The following TRIM24 variants were observed in gnomAD, a reference collection of about 807,000 sequenced individuals.
TRIM24 encodes the protein transcription intermediary factor 1-alpha.
TRIM24 carries 29 observed loss-of-function variants against 123.9 expected under a neutral mutation model. The observed-to-expected ratio is 0.23, with a 90% CI of 0.17 to 0.32. The LOEUF is 0.32. Among genes scored for constraint, TRIM24 ranks in the 10% least tolerant of loss-of-function variants. The probability of loss-of-function intolerance (pLI) is 1.00; values close to 1 mark genes in which losing one functional copy is unlikely to be tolerated. For synonymous variants in TRIM24, 456 were observed against 461.1 expected, an observed-to-expected ratio of 0.99 and a Z score of 0.14; for missense variants, 932 against 1,295.3, an observed-to-expected ratio of 0.72 and a Z score of 4.31.
At chr7:138,510,685 G>T (rs1563039921) in intron 2 of TRIM24, among the ~76,000 whole-genome samples, 1 of 152,172 alleles carries the variant, frequency 6.6e-6, no homozygotes, top group Non-Finnish European at 1.5e-5. Context: ...GCCTCCCAAA[G>T]TGCTAAGATT....
At chr7:138,497,879 G>T (rs1795948058) in intron 1 of TRIM24, among the ~76,000 whole-genome samples, 3 of 151,896 alleles carry the variant, frequency 2.0e-5, no homozygotes, top group South Asian at 4.2e-4. Context: ...TATTTGTAGA[G>T]GTGGGGTTTC....
At chr7:138,524,434 T>A (rs1479547709) in intron 4 of TRIM24, among the ~76,000 whole-genome samples, 1 of 152,168 alleles carries the variant, frequency 6.6e-6, no homozygotes, top group Non-Finnish European at 1.5e-5. Flanking sequence ...AATGTTATAA[T>A]TCACAGATAT....
intron 1 of TRIM24, among the ~76,000 whole-genome samples, chr7:138,496,677 C>G (rs1449185844): frequency 1.3e-5 from 2 of 150,838 alleles, no homozygotes; most frequent in Non-Finnish European, 3.0e-5. Context: ...ATTGTATTTT[C>G]TTTAGTAGAG....
intron 1 of TRIM24, among the ~76,000 whole-genome samples, chr7:138,492,388 C>A (rs1276337299): frequency 1.3e-5 from 2 of 150,052 alleles, no homozygotes; most frequent in Non-Finnish European, 3.0e-5. Flanking sequence ...TAAGCACTTA[C>A]AAGATACATG....
intron 1 of TRIM24, among the ~76,000 whole-genome samples, chr7:138,490,165 C>T (rs1795747742): frequency 6.6e-6 from 1 of 152,130 alleles, no homozygotes; most frequent in South Asian, 2.1e-4. Context: ...CTTGTGCATG[C>T]ATCACCTAGT....
rs754226810 is a variant in TRIM24, at chr7:138,568,586, C to G, written c.1704+932C>G. Among the ~76,000 whole-genome samples, 5 of 151,644 alleles carry G rather than the reference C, an allele frequency of 3.3e-5. No homozygotes were observed. In the South Asian group the frequency reaches 1.0e-3, roughly 32 times the overall value. On this transcript the variant is annotated intron_variant, in intron 10 of 18. Transcript: ENST00000343526. The stretch of plus-strand genomic sequence containing the variant: ...ATTTTTAGTAGAGACAGGGTTTCAC[C>G]ATGTTGGCCAGGCTAGTCTCGAACT...
chr7:138,516,760 T>C (rs1010339904), intron 3 of TRIM24, among the ~76,000 whole-genome samples: 4 of 152,162 alleles, frequency 2.6e-5, no homozygotes, highest in African/African-American at 9.7e-5. Context: ...AGCATAATAT[T>C]TTAAGGATTC....
intron 9 of TRIM24, among the ~76,000 whole-genome samples, chr7:138,556,076 A>G (rs1797310789): frequency 6.6e-6 from 1 of 152,188 alleles, no homozygotes; most frequent in African/African-American, 2.4e-5. Flanking sequence ...TATCCCTTAG[A>G]TAAATTTAAA....
At chr7:138,508,692 T>TGTGTGTGTGTGTGTGTGTGCGCGCGC (rs1422176564) in intron 2 of TRIM24, among the ~76,000 whole-genome samples, 1 of 137,214 alleles carries the variant, frequency 7.3e-6, no homozygotes, top group African/African-American at 2.8e-5. Context: ...TGTGTGTGTG[T>TGTGTGTGTGTGTGTGTGTGCGCGCGC]GCGCGCGCGT....
At chr7:138,512,388 T>C (rs574687384) in intron 2 of TRIM24, among the ~76,000 whole-genome samples, 3 of 152,294 alleles carry the variant, frequency 2.0e-5, no homozygotes, top group Admixed American at 6.5e-5. Flanking sequence ...AGCCCCACAT[T>C]TCTCCTCTGT....
chr7:138,514,122 A>C (rs546943925), intron 2 of TRIM24, among the ~76,000 whole-genome samples: 51 of 152,300 alleles, frequency 3.3e-4, no homozygotes, highest in African/African-American at 1.1e-3. Context: ...GAAAAGGTAG[A>C]TTTTGGTTTA....
At chr7:138,510,563 A>G (rs761684447) in intron 2 of TRIM24, among the ~76,000 whole-genome samples, 11 of 152,154 alleles carry the variant, frequency 7.2e-5, no homozygotes, top group Non-Finnish European at 1.0e-4. Flanking sequence ...CTGGGACTAC[A>G]GGCGCATACT....
intron 1 of TRIM24, among the ~76,000 whole-genome samples, chr7:138,473,768 C>T (rs1438073756): frequency 6.6e-6 from 1 of 152,082 alleles, no homozygotes; most frequent in Non-Finnish European, 1.5e-5. Flanking sequence ...ATAGCCATTC[C>T]TTTCTTTACT....
chr7:138,515,195 C>T lies in TRIM24; in HGVS notation c.484-17C>T, dbSNP rs771506519. 5.6e-6 allele frequency: 9 copies of T among 1,594,026 alleles called. No homozygotes were observed. The Admixed American group carries it at 1.5e-4, about 27-fold the overall frequency. On this transcript the variant is annotated splice_polypyrimidine_tract_variant and intron_variant, in intron 2 of 18. Transcript: ENST00000343526. ...TTCATTTTCTCAAAAATTTACGTGCCATGGTTCTTTTGTCAGGTATGTACA... is the reference window on the plus strand; with the variant it reads ...TTCATTTTCTCAAAAATTTACGTGCTATGGTTCTTTTGTCAGGTATGTACA...
At chr7:138,555,481 A>AT (rs1797296903) in intron 9 of TRIM24, among the ~76,000 whole-genome samples, 1 of 149,132 alleles carries the variant, frequency 6.7e-6, no homozygotes, top group African/African-American at 2.5e-5. Context: ...ACTATAATCC[A>AT]ATTTTTTTTT....
intron 9 of TRIM24, among the ~76,000 whole-genome samples, chr7:138,559,535 C>T (rs1022258626): frequency 2.0e-5 from 3 of 152,288 alleles, no homozygotes; most frequent in African/African-American, 4.8e-5. Context: ...ACGCTTCAGC[C>T]GTGCATAGAC....
intron 1 of TRIM24, among the ~76,000 whole-genome samples, chr7:138,469,509 C>T (rs1413003593): frequency 1.3e-5 from 2 of 152,076 alleles, no homozygotes; most frequent in East Asian, 3.9e-4. Flanking sequence ...CGGGATTTTA[C>T]CCTGTTGGCC....
intron 1 of TRIM24, among the ~76,000 whole-genome samples, chr7:138,501,744 G>T (rs376560173): frequency 6.6e-6 from 1 of 151,724 alleles, no homozygotes; most frequent in Admixed American, 6.6e-5. Context: ...AAAATTAGCC[G>T]GCTGTGGTGG....
At chr7:138,535,732 C>G (rs1796855998) in intron 6 of TRIM24, among the ~76,000 whole-genome samples, 1 of 152,062 alleles carries the variant, frequency 6.6e-6, no homozygotes, top group East Asian at 1.9e-4. Context: ...TTGTGGCATT[C>G]TCCGTATTTC....
Sources: allele counts gnomAD v4.1 joint callset (sites outside exome capture counted in the v4.1 genomes callset), GRCh38; gene constraint gnomAD v4.1.1; transcripts MANE v1.5; gene names NCBI Gene and HGNC (gene_info 2026-07-23, HGNC 2026-07-21).